VTI1A: variants seen among roughly 807,000 people sequenced by gnomAD.
VTI1A encodes vesicle transport through interaction with t-SNAREs homolog 1A.
VTI1A carries 22 observed loss-of-function variants against 34.9 expected under a neutral mutation model. That is an observed-to-expected ratio of 0.63 (90% CI 0.45 to 0.90). The LOEUF (loss-of-function observed/expected upper bound fraction) is 0.90, where lower values mean the gene tolerates loss of function less well. Ranked by LOEUF, VTI1A falls within the 40% of genes least tolerant of loss-of-function variation. VTI1A has a pLI of 0.00. For synonymous variants in VTI1A, 87 were observed against 97.3 expected (o/e 0.89, Z 0.62); for missense variants, 268 against 275.6 (o/e 0.97, Z 0.20).
At chr10:112,647,566 A>G (rs1429094073) in intron 5 of VTI1A, among the ~76,000 whole-genome samples, 2 of 152,206 alleles carry the variant, frequency 1.3e-5, no homozygotes, top group African/African-American at 4.8e-5. Flanking sequence ...CGTTTAACAC[A>G]TAAGGACATC....
At chr10:112,473,751 G>T (rs950835667) in intron 3 of VTI1A, among the ~76,000 whole-genome samples, 1 of 152,042 alleles carries the variant, frequency 6.6e-6, no homozygotes, top group African/African-American at 2.4e-5. Context: ...GTTAGAATGT[G>T]ACTTTAAAAA....
intron 5 of VTI1A, among the ~76,000 whole-genome samples, chr10:112,562,538 G>GTA (rs1167618288): frequency 6.6e-6 from 1 of 151,738 alleles, no homozygotes; most frequent in African/African-American, 2.4e-5. Flanking sequence ...GTGTGTGTGT[G>GTA]TATATACACA....
intron 7 of VTI1A, among the ~76,000 whole-genome samples, chr10:112,802,470 C>T (rs567524647): frequency 3.9e-5 from 6 of 152,186 alleles, no homozygotes; most frequent in Admixed American, 6.5e-5. Context: ...TGATAATAGG[C>T]CCCAGCTCAT....
chr10:112,616,065 G>A (rs1056879071), intron 5 of VTI1A, among the ~76,000 whole-genome samples: 3 of 152,058 alleles, frequency 2.0e-5, no homozygotes, highest in Non-Finnish European at 4.4e-5. Context: ...TGATATTACT[G>A]GATATTAGAT....
chr10:112,608,909 G>A (rs1203472424), intron 5 of VTI1A, among the ~76,000 whole-genome samples: 1 of 152,112 alleles, frequency 6.6e-6, no homozygotes, highest in African/African-American at 2.4e-5. Context: ...TAATTAGCAT[G>A]TGTCTGTTCC....
At chr10:112,552,604 C>CT (rs36053328) in intron 5 of VTI1A, among the ~76,000 whole-genome samples, 41 of 146,342 alleles carry the variant, frequency 2.8e-4, no homozygotes, top group Admixed American at 2.6e-3. Context: ...AAAAAGAGAC[C>CT]TTTTAAAAAA....
chr10:112,485,977 C>G (rs1030613010), intron 3 of VTI1A, among the ~76,000 whole-genome samples: 1 of 152,150 alleles, frequency 6.6e-6, no homozygotes, highest in African/African-American at 2.4e-5. Context: ...TTTCCTGCCT[C>G]TCGGATCTTT....
At chr10:112,604,111 G>C (rs902043181) in intron 5 of VTI1A, among the ~76,000 whole-genome samples, 1 of 152,126 alleles carries the variant, frequency 6.6e-6, no homozygotes, top group Non-Finnish European at 1.5e-5. Flanking sequence ...AGACAGTGGA[G>C]ACCGAGCCCT....
At chr10:112,694,386 G>GTGGA (rs992377962) in intron 7 of VTI1A, among the ~76,000 whole-genome samples, 2,067 of 147,704 alleles carry the variant, frequency 0.014, 39 homozygotes, top group African/African-American at 0.049. Context: ...GGATGGATGG[G>GTGGA]TGGATGGATG....
intron 2 of VTI1A, among the ~76,000 whole-genome samples, chr10:112,462,777 A>G (rs1052693022): frequency 2.6e-5 from 4 of 152,208 alleles, no homozygotes; most frequent in Non-Finnish European, 5.9e-5. Context: ...TATTAGTGAT[A>G]AGCTGGTAGG....
At chr10:112,677,924 G>A (rs997011871) in intron 7 of VTI1A, 4 of 152,172 alleles carry the variant, frequency 2.6e-5, no homozygotes, top group Admixed American at 6.5e-5. Flanking sequence ...TTTGGCTCAC[G>A]GCCATGTTAC....
In VTI1A at chr10:112,582,453, C is replaced by T. The variant is rs966754921; in HGVS notation, c.427+44123C>T. On this transcript the variant is annotated intron_variant, in intron 5 of 7. Coordinates refer to ENST00000393077, the MANE Select transcript of VTI1A (RefSeq NM_145206.4). ...CTTCCACCCCAGCAGCCCCCAAGGTCGCTGTTAAGTATGGAAATTGTGGAA... is the reference window on the plus strand; with the variant it reads ...CTTCCACCCCAGCAGCCCCCAAGGTTGCTGTTAAGTATGGAAATTGTGGAA... Among the ~76,000 whole-genome samples, 43 of 152,260 alleles carry T rather than the reference C, an allele frequency of 2.8e-4. 1 individual carries two copies. Among genetic ancestry groups the T allele is most frequent in the African/African-American group, 8.7e-4 (36 of 41,554 alleles).
At chr10:112,558,982 A>G (rs958328379) in intron 5 of VTI1A, among the ~76,000 whole-genome samples, 24 of 152,194 alleles carry the variant, frequency 1.6e-4, no homozygotes, top group Non-Finnish European at 3.2e-4. Flanking sequence ...AGAAGAAGAA[A>G]AAAAAAGTGT....
chr10:112,696,908 G>T (rs1590082016), intron 7 of VTI1A, among the ~76,000 whole-genome samples: 1 of 152,298 alleles, frequency 6.6e-6, no homozygotes. Flanking sequence ...TACAAAGGTG[G>T]CTGGCAGAAA....
intron 3 of VTI1A, among the ~76,000 whole-genome samples, chr10:112,469,890 A>G (rs1378063086): frequency 2.0e-5 from 3 of 152,158 alleles, no homozygotes; most frequent in Non-Finnish European, 4.4e-5. Flanking sequence ...TTGATGATGC[A>G]TCCCAGCAGT....
intron 7 of VTI1A, among the ~76,000 whole-genome samples, chr10:112,805,104 G>C (rs1001028531): frequency 3.3e-5 from 5 of 151,494 alleles, no homozygotes; most frequent in Admixed American, 2.0e-4. Context: ...GCCCTCAAGC[G>C]ATCCTCCCAC....
At chr10:112,747,388 G>C (rs1850935155) in intron 7 of VTI1A, among the ~76,000 whole-genome samples, 1 of 152,202 alleles carries the variant, frequency 6.6e-6, no homozygotes, top group South Asian at 2.1e-4. Context: ...TACACACCTA[G>C]GCTGTAAGGT....
chr10:112,603,342 G>A (rs1408664946), intron 5 of VTI1A, among the ~76,000 whole-genome samples: 2 of 152,166 alleles, frequency 1.3e-5, no homozygotes, highest in East Asian at 3.9e-4. Context: ...TGATCCTGAG[G>A]GTGTGGGGCT....
the VTI1A span, among the ~76,000 whole-genome samples, chr10:112,837,770 A>G: frequency 6.6e-6 from 1 of 152,154 alleles, no homozygotes; most frequent in Non-Finnish European, 1.5e-5. Flanking sequence ...CTGAAGTCCT[A>G]TTTGGGCTTT....
Sources: gnomAD v4.1 joint callset for allele counts (sites outside exome capture counted in the v4.1 genomes callset) on GRCh38, gnomAD v4.1.1 for gene constraint, MANE v1.5 for transcripts, NCBI Gene and HGNC (gene_info 2026-07-23, HGNC 2026-07-21) for gene names.